NR3C2: variants seen among roughly 807,000 people sequenced by gnomAD.
NR3C2 encodes nuclear receptor subfamily 3 group C member 2, also known as mineralocorticoid receptor.
Under a neutral mutation model 86.4 loss-of-function variants are expected in NR3C2, and 15 were observed. The observed-to-expected ratio is 0.17, with a 90% confidence interval of 0.12 to 0.27. The LOEUF (loss-of-function observed/expected upper bound fraction) is 0.27, where lower values mean the gene tolerates loss of function less well. NR3C2 is among the 10% of genes least tolerant of loss of function. The pLI is 1.00. For synonymous variants in NR3C2, 458 were observed against 450.5 expected, an observed-to-expected ratio of 1.02 and a Z score of -0.21; for missense variants, 960 against 1,195.6, an observed-to-expected ratio of 0.80 and a Z score of 2.91.
Position 148,154,827 on chromosome 4 carries a change from G to T in NR3C2, c.2089C>A (p.Pro697Thr). ...EQPQQQQPPP[P>T]PPPPQSPEEG... ...TCTGGGCTTTGCGGGGGTGGGGGTG[G>T]GGGTGGGGGCTGCTGCTGCTGTGGC... The change falls in exon 5 of 9, where the codon CCA becomes ACA. Residue 697 changes from proline to threonine, a missense_variant. Pro to Thr is a conservative substitution (Grantham distance 38). Coordinates refer to ENST00000358102, the MANE Select transcript of NR3C2 (RefSeq NM_000901.5). 2.6e-6 allele frequency: 4 copies of T among 1,510,740 alleles called. No homozygotes were observed. Among genetic ancestry groups the T allele is most frequent in the Non-Finnish European group, 2.7e-6 (3 of 1,115,004 alleles). 93.6% of individuals were successfully genotyped at this position (1,510,740 alleles called of 1,614,324 possible). A position where few individuals can be genotyped will look rare whatever the true frequency, so the allele number is the denominator to read the frequency against.
intron 6 of NR3C2, among the ~76,000 whole-genome samples, chr4:148,142,216 T>C (rs1238231516): frequency 6.6e-6 from 1 of 152,166 alleles, no homozygotes; most frequent in Non-Finnish European, 1.5e-5. Flanking sequence ...TTTTAGGAGC[T>C]GGCAATGCAA....
intron 8 of NR3C2, among the ~76,000 whole-genome samples, chr4:148,106,183 A>T (rs923733660): frequency 6.6e-6 from 1 of 152,238 alleles, no homozygotes; most frequent in Non-Finnish European, 1.5e-5. Flanking sequence ...TATAAAATAA[A>T]TGTGCAAAAA....
intron 2 of NR3C2, among the ~76,000 whole-genome samples, chr4:148,281,643 T>C (rs1435609354): frequency 6.6e-6 from 1 of 152,254 alleles, no homozygotes; most frequent in Non-Finnish European, 1.5e-5. Flanking sequence ...TCTTTTTGCC[T>C]CATGAGGAGA....
intron 8 of NR3C2, among the ~76,000 whole-genome samples, chr4:148,092,929 C>T (rs1439742115): frequency 6.6e-6 from 1 of 152,208 alleles, no homozygotes; most frequent in Non-Finnish European, 1.5e-5. Flanking sequence ...ATGGCCTGGC[C>T]TGCTGTCTCA....
chr4:148,195,308 T>A (rs971065135), intron 3 of NR3C2, among the ~76,000 whole-genome samples: 1 of 152,202 alleles, frequency 6.6e-6, no homozygotes, highest in Non-Finnish European at 1.5e-5. Context: ...TTGGAAATGT[T>A]AAACTATTTC....
At chr4:148,428,760 T>C (rs775415552) in intron 2 of NR3C2, among the ~76,000 whole-genome samples, 21 of 151,978 alleles carry the variant, frequency 1.4e-4, no homozygotes, top group Non-Finnish European at 2.9e-5. Context: ...AAAGCCTAGC[T>C]CTCATCCTTC....
intron 4 of NR3C2, among the ~76,000 whole-genome samples, chr4:148,183,789 C>G (rs748316633): frequency 6.6e-6 from 1 of 152,188 alleles, no homozygotes; most frequent in Non-Finnish European, 1.5e-5. Flanking sequence ...GTGCCCTGTA[C>G]TGTTGCAGTC....
chr4:148,300,760 TG>T (rs1166232372), intron 2 of NR3C2, among the ~76,000 whole-genome samples: 2 of 152,082 alleles, frequency 1.3e-5, no homozygotes, highest in East Asian at 3.9e-4. Context: ...TTAGTAGAGA[TG>T]GGGTTTCACT....
At chr4:148,422,409 T>G (rs1232629603) in intron 2 of NR3C2, among the ~76,000 whole-genome samples, 1 of 151,976 alleles carries the variant, frequency 6.6e-6, no homozygotes, top group African/African-American at 2.4e-5. Context: ...ATAATTTCCA[T>G]TTCAAAAAAA....
upstream of NR3C2, chr4:148,442,450 AAAAAAGGGAGGGAGAGAGGGCGGGCG>A (rs1361661522): frequency 5.8e-6 from 1 of 173,490 alleles, no homozygotes; most frequent in African/African-American, 2.4e-5. Flanking sequence ...CAGGGCGGGC[AAAAAAGGGAGGGAGAGAGGGCGGGCG>A]AAAGCCCGGA....
intron 2 of NR3C2, among the ~76,000 whole-genome samples, chr4:148,342,710 C>CA (rs1744805912): frequency 1.3e-5 from 2 of 152,100 alleles, no homozygotes; most frequent in African/African-American, 4.8e-5. Context: ...TTAACACATA[C>CA]AATTATTGTG....
intron 4 of NR3C2, among the ~76,000 whole-genome samples, chr4:148,186,785 C>G (rs994656389): frequency 6.7e-6 from 1 of 150,130 alleles, no homozygotes; most frequent in Admixed American, 6.7e-5. Context: ...CCCCCCAAGT[C>G]CCCAGAGTCC....
chr4:148,088,756 C>G (rs1368486193), intron 8 of NR3C2, among the ~76,000 whole-genome samples: 2 of 152,036 alleles, frequency 1.3e-5, no homozygotes, highest in African/African-American at 2.4e-5. Context: ...GGAGAAATAC[C>G]TAATGTAGAT....
At chr4:148,232,416 T>C (rs978725525) in intron 3 of NR3C2, among the ~76,000 whole-genome samples, 2 of 152,232 alleles carry the variant, frequency 1.3e-5, no homozygotes, top group Non-Finnish European at 2.9e-5. Context: ...TGCAATAATA[T>C]TTTGAAAAAT....
intron 2 of NR3C2, among the ~76,000 whole-genome samples, chr4:148,294,217 C>T (rs1741932051): frequency 2.0e-5 from 3 of 152,246 alleles, no homozygotes; most frequent in South Asian, 2.1e-4. Flanking sequence ...TCCTCATCTG[C>T]AAAATGGGGA....
At chr4:148,261,882 T>C (rs1430541804) in intron 2 of NR3C2, among the ~76,000 whole-genome samples, 2 of 152,242 alleles carry the variant, frequency 1.3e-5, no homozygotes, top group Non-Finnish European at 2.9e-5. Flanking sequence ...AAGAACAAGC[T>C]ATACAGCTGC....
chr4:148,337,139 A>C (rs1174363693), intron 2 of NR3C2, among the ~76,000 whole-genome samples: 5 of 152,250 alleles, frequency 3.3e-5, no homozygotes, highest in Non-Finnish European at 7.3e-5. Flanking sequence ...AAGGCAGAAT[A>C]CAAAAATATA....
chr4:148,436,760 G>C lies in NR3C2; in HGVS notation c.101C>G (p.Thr34Arg). 6.2e-7 allele frequency: 1 copy of C among 1,614,058 alleles called. No individual in the cohort carries two copies. The highest frequency in any genetic ancestry group is 8.5e-7 in the Non-Finnish European group (1 of 1,179,970). Residue 34 changes from threonine to arginine, a missense_variant, in exon 2 of 9, where the codon ACA becomes AGA. Thr to Arg is a moderately conservative substitution (Grantham distance 71). This residue lies in a region of NR3C2 where 680 missense variants were observed against 719.0 expected (regional missense o/e 0.95). Transcript: ENST00000358102. ...QAVERSSLGP[T>R]ERTDENNYME... ...GTAGTTATTCTCATCGGTCCTCTCT[G>C]TAGGTCCCAGGGAAGAACGCTCCAC... is the stretch of plus-strand genomic sequence containing the variant.
intron 2 of NR3C2, among the ~76,000 whole-genome samples, chr4:148,275,919 A>T (rs573487403): frequency 3.3e-5 from 5 of 152,268 alleles, no homozygotes; most frequent in Admixed American, 3.3e-4. Context: ...GGTTTTTTTT[A>T]AAACAAACAT....
Sources: allele counts gnomAD v4.1 joint callset (sites outside exome capture counted in the v4.1 genomes callset), GRCh38; gene constraint gnomAD v4.1.1; regional missense constraint gnomAD v4.1.1; transcripts MANE v1.5; gene names NCBI Gene and HGNC (gene_info 2026-07-23, HGNC 2026-07-21).